Variants in NDUFV2 observed in about 807,000 individuals in gnomAD.
NDUFV2 encodes the protein NADH:ubiquinone oxidoreductase core subunit V2.
A neutral mutation model predicts 31.6 loss-of-function variants in NDUFV2; 18 were observed. The observed-to-expected ratio is 0.57, with a 90% confidence interval of 0.39 to 0.84. NDUFV2 has a LOEUF of 0.84. NDUFV2 is among the 40% of genes least tolerant of loss of function. NDUFV2 has a pLI of 0.00. For missense variants in NDUFV2, 314 were observed against 303.6 expected, an observed-to-expected ratio of 1.03 and a Z score of -0.26; for synonymous variants, 83 against 99.8, an observed-to-expected ratio of 0.83 and a Z score of 1.01.
chr18:9,105,124 T>G, intron 1 of NDUFV2: 1 of 885,618 alleles, frequency 1.1e-6, no homozygotes, highest in Non-Finnish European at 1.5e-6. Context: ...CAGGCCCTTC[T>G]AACCTTTCAC....
intron 1 of NDUFV2, chr18:9,103,852 A>G (rs1389137832): frequency 3.4e-6 from 1 of 291,092 alleles, no homozygotes; most frequent in East Asian, 7.1e-5. Context: ...GATAATAATG[A>G]TAGTCATTTG....
At chr18:9,103,198 A>G in intron 1 of NDUFV2, 1 of 400,010 alleles carries the variant, frequency 2.5e-6, no homozygotes, top group Non-Finnish European at 4.4e-6. Context: ...AGGTTGCAGC[A>G]TACTGGAGAG....
chr18:9,118,419 T>G (rs1568190578), intron 2 of NDUFV2, among the ~76,000 whole-genome samples: 1 of 152,110 alleles, frequency 6.6e-6, no homozygotes, highest in African/African-American at 2.4e-5. Context: ...GGTGCTGTTT[T>G]CAGGGATTAA....
chr18:9,123,853 C>T (rs1263100838), intron 5 of NDUFV2, among the ~76,000 whole-genome samples: 2 of 152,146 alleles, frequency 1.3e-5, no homozygotes, highest in African/African-American at 4.8e-5. Flanking sequence ...CGTACTTGTC[C>T]TGTTGTATGC....
chr18:9,110,113 CTG>C (rs2077862601), intron 1 of NDUFV2, among the ~76,000 whole-genome samples: 1 of 151,062 alleles, frequency 6.6e-6, no homozygotes, highest in African/African-American at 2.4e-5. Context: ...AAAGACTAGA[CTG>C]TACTCAAAGA....
At chr18:9,115,476 A>T (rs953383378) in intron 1 of NDUFV2, among the ~76,000 whole-genome samples, 3 of 152,228 alleles carry the variant, frequency 2.0e-5, no homozygotes, top group Admixed American at 6.5e-5. Context: ...CAATAAACAT[A>T]ATAGGAACAA....
chr18:9,122,506 AT>A lies in NDUFV2; in HGVS notation c.301-3del, dbSNP rs759348789. On this transcript the variant is annotated splice_polypyrimidine_tract_variant and splice_region_variant and intron_variant, in intron 4 of 7. Coordinates refer to ENST00000318388, the MANE Select transcript of NDUFV2 (RefSeq NM_021074.5). ...TTATCTTATTTTTAAATGTCCTAAT[AT>A]TTTAGGTTGCAGAAGTTTTACAAGT... is the stretch of plus-strand genomic sequence containing the variant. 4.1e-3 allele frequency: 6,390 copies of A among 1,577,528 alleles called. 238 individuals carry two copies. The African/African-American group carries it at 0.076, about 19-fold the overall frequency.
intron 7 of NDUFV2, among the ~76,000 whole-genome samples, chr18:9,127,345 T>G (rs2143078122): frequency 6.6e-6 from 1 of 152,352 alleles, no homozygotes. Flanking sequence ...TATCCACAAT[T>G]GTTTCATTGT....
At chr18:9,115,233 G>C (rs2077892063) in intron 1 of NDUFV2, among the ~76,000 whole-genome samples, 1 of 152,192 alleles carries the variant, frequency 6.6e-6, no homozygotes, top group African/African-American at 2.4e-5. Flanking sequence ...TAAGAGATAA[G>C]CACTTTTAAT....
At chr18:9,130,448 TATTTAA>T (rs918812835) in intron 7 of NDUFV2, among the ~76,000 whole-genome samples, 1 of 152,210 alleles carries the variant, frequency 6.6e-6, no homozygotes, top group Admixed American at 6.5e-5. Context: ...TACTACCTCT[TATTTAA>T]AAAGCAGACA....
At chr18:9,124,183 GT>G (rs58787138) in intron 5 of NDUFV2, among the ~76,000 whole-genome samples, 114 of 144,498 alleles carry the variant, frequency 7.9e-4, no homozygotes, top group African/African-American at 2.2e-3. Context: ...ATTACATAGA[GT>G]TTTTTTTTTG....
intron 5 of NDUFV2, among the ~76,000 whole-genome samples, chr18:9,123,689 A>G (rs1243759223): frequency 3.3e-5 from 5 of 152,004 alleles, no homozygotes; most frequent in South Asian, 2.1e-4. Context: ...GGGTCTTGCT[A>G]TGTTGCCCAG....
chr18:9,121,842 A>C (rs1199305905), intron 4 of NDUFV2, among the ~76,000 whole-genome samples: 1 of 152,208 alleles, frequency 6.6e-6, no homozygotes, highest in Admixed American at 6.6e-5. Flanking sequence ...TCTTGACGTG[A>C]AGGGTTAGAA....
chr18:9,115,805 C>G (rs914641984), intron 1 of NDUFV2: 3 of 152,130 alleles, frequency 2.0e-5, no homozygotes, highest in Non-Finnish European at 4.4e-5. Context: ...TTGTGGTGAG[C>G]CGAGATCATG....
intron 1 of NDUFV2, chr18:9,104,060 A>G: frequency 7.7e-7 from 1 of 1,298,084 alleles, no homozygotes; most frequent in Non-Finnish European, 1.1e-6. Flanking sequence ...AGAGAGATGA[A>G]TAGGGTCATC....
intron 7 of NDUFV2, among the ~76,000 whole-genome samples, chr18:9,129,257 T>G (rs1429453212): frequency 6.6e-6 from 1 of 152,144 alleles, no homozygotes; most frequent in East Asian, 1.9e-4. Flanking sequence ...GCGTTTAGAA[T>G]CTTCTGCTTT....
At chr18:9,125,151 A>C (rs1568194600) in intron 6 of NDUFV2, among the ~76,000 whole-genome samples, 168 bp downstream of exon 6, 3 of 152,246 alleles carry the variant, frequency 2.0e-5, no homozygotes, top group Admixed American at 6.5e-5. Flanking sequence ...TTTTGCATTT[A>C]ACTTCAGAAG....
At chr18:9,121,585 C>T (rs2077936068) in intron 4 of NDUFV2, 1 of 152,202 alleles carries the variant, frequency 6.6e-6, no homozygotes, top group African/African-American at 2.4e-5. Flanking sequence ...AATGCCCGCT[C>T]TTCTTTTATA....
Position 9,102,768 on chromosome 18 carries a change from G to T in NDUFV2, c.25G>T (p.Ala9Ser). MFFSAALR[A>S]RAAGLTAHWG... is the part of the protein sequence containing the mutation. The stretch of plus-strand genomic sequence containing the variant: ...CATGTTCTTCTCCGCGGCGCTCCGG[G>T]CCCGGGCGGCTGGCCTCACCGCCCA... Residue 9 changes from alanine (A) to serine (S), a missense_variant, in exon 1 of 8, where the codon GCC becomes TCC. Coordinates refer to ENST00000318388, the MANE Select transcript of NDUFV2 (RefSeq NM_021074.5). 1 of 1,584,690 alleles carries T rather than the reference G, an allele frequency of 6.3e-7. No individual in the cohort carries two copies. Among genetic ancestry groups the T allele is most frequent in the Non-Finnish European group, 8.6e-7 (1 of 1,167,722 alleles).
Sources: allele counts gnomAD v4.1 joint callset (sites outside exome capture counted in the v4.1 genomes callset), GRCh38; gene constraint gnomAD v4.1.1; transcripts MANE v1.5; gene names NCBI Gene and HGNC (gene_info 2026-07-23, HGNC 2026-07-21).